The following ESRRG variants were observed in gnomAD, a reference collection of about 807,000 sequenced individuals.
ESRRG encodes the protein estrogen-related receptor gamma.
A neutral mutation model predicts 44.0 loss-of-function variants in ESRRG; 13 were observed. That is an observed-to-expected ratio of 0.30 (90% CI 0.19 to 0.47). The LOEUF is 0.47. ESRRG is among the 20% of genes least tolerant of loss of function. The pLI is 1.00. For synonymous variants in ESRRG, 215 were observed against 214.6 expected, an observed-to-expected ratio of 1.00 and a Z score of -0.02; for missense variants, 395 against 580.6, an observed-to-expected ratio of 0.68 and a Z score of 3.29.
Position 217,115,330 on chromosome 1 carries a change from G to C in ESRRG, c.-230+22337C>G, listed in dbSNP as rs190835066. On this transcript the variant is annotated intron_variant, in intron 1 of 8. Transcript: ENST00000366940. ...CGATAAATGTCAGCTGACATGAAAAGAGTCTCATCCATGCATGATCCAGAA... is the reference window on the plus strand; with the variant it reads ...CGATAAATGTCAGCTGACATGAAAACAGTCTCATCCATGCATGATCCAGAA... 1.3e-3 allele frequency among the ~76,000 whole-genome samples: 193 copies of C among 152,256 alleles called. 3 individuals carry two copies. Among genetic ancestry groups the C allele is most frequent in the Non-Finnish European group, 3.4e-4 (23 of 68,032 alleles).
At chr1:216,983,025 T>C (rs998121153) in intron 1 of ESRRG, among the ~76,000 whole-genome samples, 1 of 113,368 alleles carries the variant, frequency 8.8e-6, no homozygotes, top group African/African-American at 3.4e-5. Flanking sequence ...TACGTGACTT[T>C]GAACTGTTTT....
intron 5 of ESRRG, among the ~76,000 whole-genome samples, chr1:216,551,133 A>C (rs1298811149): frequency 6.6e-6 from 1 of 152,194 alleles, no homozygotes; most frequent in African/African-American, 2.4e-5. Flanking sequence ...TTGAAATAAA[A>C]TTTCAAAAAA....
chr1:216,544,475 G>A (rs2053856433), intron 5 of ESRRG, among the ~76,000 whole-genome samples: 1 of 152,010 alleles, frequency 6.6e-6, no homozygotes, highest in African/African-American at 2.4e-5. Flanking sequence ...TGAGGAATAC[G>A]GGGGATACCC....
intron 2 of ESRRG, among the ~76,000 whole-genome samples, chr1:216,914,475 C>T (rs1404426999): frequency 6.6e-6 from 1 of 152,116 alleles, no homozygotes; most frequent in Non-Finnish European, 1.5e-5. Context: ...AGTGGCCCTG[C>T]AACTCTCTAA....
intron 5 of ESRRG, among the ~76,000 whole-genome samples, chr1:216,554,257 C>G (rs759593577): frequency 2.0e-5 from 3 of 151,896 alleles, no homozygotes; most frequent in Non-Finnish European, 1.5e-5. Context: ...AGTTTGAGAC[C>G]AGCCTGGCCA....
At chr1:216,824,962 C>CAG (rs1175431591) in intron 2 of ESRRG, among the ~76,000 whole-genome samples, 5 of 152,152 alleles carry the variant, frequency 3.3e-5, no homozygotes, top group African/African-American at 1.2e-4. Context: ...TGCTTGGAGA[C>CAG]AGAGAATTCA....
chr1:216,622,815 T>G (rs1027709183), intron 3 of ESRRG, among the ~76,000 whole-genome samples: 29 of 152,168 alleles, frequency 1.9e-4, no homozygotes, highest in African/African-American at 6.3e-4. Context: ...AATTTGAGCA[T>G]ATGAAGCCTG....
rs1346053951 is a variant in ESRRG at position 216,504,644 on chromosome 1, T to C, written c.*2295A>G. 1 of 152,534 alleles carries C rather than the reference T, an allele frequency of 6.6e-6. No homozygotes were observed. Among genetic ancestry groups the C allele is most frequent in the Non-Finnish European group, 1.5e-5 (1 of 67,994 alleles). 9.4% of individuals were successfully genotyped at this position (152,534 alleles called of 1,614,324 possible). A position where few individuals can be genotyped will look rare whatever the true frequency, so the allele number is the denominator to read the frequency against. ...AAGTTTTGCAACAACACAGAGCGAG[T>C]TAATAACAACATCTGAGAGATGATT... On this transcript the variant is annotated 3_prime_UTR_variant, in exon 7 of 7. Coordinates refer to ENST00000408911, the MANE Select transcript of ESRRG (RefSeq NM_001438.4).
intron 2 of ESRRG, among the ~76,000 whole-genome samples, chr1:216,830,149 T>C (rs1426949921): frequency 6.6e-6 from 1 of 152,152 alleles, no homozygotes; most frequent in Non-Finnish European, 1.5e-5. Context: ...TCACTTCAAG[T>C]GTTACCAATT....
intron 2 of ESRRG, among the ~76,000 whole-genome samples, chr1:216,833,848 C>T (rs1018067062): frequency 3.3e-5 from 5 of 152,282 alleles, no homozygotes; most frequent in South Asian, 4.1e-4. Flanking sequence ...TAAAATGCTA[C>T]GGATAGCACA....
chr1:216,908,798 A>G (rs1405712877), intron 2 of ESRRG, among the ~76,000 whole-genome samples: 2 of 151,156 alleles, frequency 1.3e-5, no homozygotes, highest in Non-Finnish European at 2.9e-5. Flanking sequence ...CTCCCTAGGT[A>G]CAAGGCAATG....
intron 2 of ESRRG, among the ~76,000 whole-genome samples, chr1:216,919,235 T>A (rs1433058018): frequency 6.6e-6 from 1 of 152,156 alleles, no homozygotes; most frequent in Non-Finnish European, 1.5e-5. Flanking sequence ...ATGCTCTTTC[T>A]CCTAGAGCCA....
intron 3 of ESRRG, among the ~76,000 whole-genome samples, chr1:216,588,788 A>G (rs1248577912): frequency 6.6e-6 from 1 of 152,206 alleles, no homozygotes; most frequent in Non-Finnish European, 1.5e-5. Context: ...AGAAATAGAA[A>G]AAGAAGGGAA....
chr1:216,683,705 C>A (rs140298796), intron 1 of ESRRG, among the ~76,000 whole-genome samples: 73 of 152,244 alleles, frequency 4.8e-4, no homozygotes, highest in Non-Finnish European at 7.4e-5. Flanking sequence ...GGCTGATCAT[C>A]GAAATAAAAG....
chr1:216,779,178 T>TATATAAATATATATTTATATTTATAA (rs1413274890), intron 2 of ESRRG, among the ~76,000 whole-genome samples: 66 of 49,506 alleles, frequency 1.3e-3, no homozygotes, highest in South Asian at 2.0e-3. Flanking sequence ...TATATATAAT[T>TATATAAATATATATTTATATTTATAA]ATATAAATAT....
At chr1:216,706,140 G>A (rs2082397448) in intron 1 of ESRRG, among the ~76,000 whole-genome samples, 2 of 151,938 alleles carry the variant, frequency 1.3e-5, no homozygotes, top group Admixed American at 1.3e-4. Flanking sequence ...GAAGGTTTCC[G>A]AAGCATTCTG....
intron 1 of ESRRG, among the ~76,000 whole-genome samples, chr1:216,712,533 A>G (rs1559362349): frequency 6.6e-6 from 1 of 152,210 alleles, no homozygotes; most frequent in Non-Finnish European, 1.5e-5. Flanking sequence ...GAGAAGGAGA[A>G]AAATATAAGC....
chr1:216,852,912 T>C (rs1004949525), intron 2 of ESRRG, among the ~76,000 whole-genome samples: 21 of 152,162 alleles, frequency 1.4e-4, no homozygotes, highest in Admixed American at 7.9e-4. Context: ...ATGGCCTCAC[T>C]TACTTTCCTA....
intron 1 of ESRRG, among the ~76,000 whole-genome samples, chr1:216,990,963 A>T (rs1012859807): frequency 6.6e-6 from 1 of 151,902 alleles, no homozygotes; most frequent in African/African-American, 2.4e-5. Context: ...CCCCATATAC[A>T]TCCATGGCCT....
Sources: allele counts gnomAD v4.1 joint callset (sites outside exome capture counted in the v4.1 genomes callset), GRCh38; gene constraint gnomAD v4.1.1; transcripts MANE v1.5; gene names NCBI Gene and HGNC (gene_info 2026-07-23, HGNC 2026-07-21).